ACSL3: variants seen among roughly 807,000 people sequenced by gnomAD.
ACSL3 encodes fatty acid CoA ligase Acsl3.
A neutral mutation model predicts 84.7 loss-of-function variants in ACSL3; 34 were observed. The ratio of observed to expected loss-of-function variants is 0.40; its 90% CI spans 0.31 to 0.53. The LOEUF is 0.53. Ranked by LOEUF, ACSL3 falls within the 20% of genes least tolerant of loss-of-function variation. The pLI, the probability that ACSL3 is intolerant of heterozygous loss-of-function variation, is 0.48. For synonymous variants in ACSL3, 315 were observed against 299.4 expected (o/e 1.05, Z -0.54); for missense variants, 680 against 873.1 (o/e 0.78, Z 2.79).
intron 3 of ACSL3, among the ~76,000 whole-genome samples, chr2:222,908,434 T>G (rs1696353417): frequency 6.6e-6 from 1 of 152,210 alleles, no homozygotes; most frequent in South Asian, 2.1e-4. Context: ...ATTTTTGGTC[T>G]TCCCCCAACC....
At chr2:222,928,990 A>G in intron 13 of ACSL3, 54 bp downstream of exon 13, 2 of 1,432,384 alleles carry the variant, frequency 1.4e-6, no homozygotes, top group Non-Finnish European at 2.0e-6. Context: ...TAAACTTGAA[A>G]ATTAGTGCTT....
chr2:222,930,828 T>C lies in ACSL3; in HGVS notation c.1732+16T>C, dbSNP rs1005290832. The C allele has an allele frequency of 9.5e-6, 15 of 1,572,630 alleles. No homozygotes were observed. Among genetic ancestry groups the C allele is most frequent in the Non-Finnish European group, 1.2e-5 (14 of 1,159,760 alleles). ...AAGATTATTGGTAAGTCATCTAATA[T>C]TTTTTTGAAAATGAATGTTTCTGAA... On this transcript the variant is annotated intron_variant, in intron 14 of 16. Transcript: ENST00000357430.
At chr2:222,916,186 TG>T in intron 4 of ACSL3, 132 bp from the exon 5 acceptor site, 1 of 545,698 alleles carries the variant, frequency 1.8e-6, no homozygotes, top group Non-Finnish European at 2.9e-6. Flanking sequence ...ACTCAGTTTC[TG>T]GCTTTTTATT....
chr2:222,933,301 C>T (rs1697079537), intron 15 of ACSL3, 21 bp downstream of exon 15: 2 of 1,515,662 alleles, frequency 1.3e-6, no homozygotes, highest in African/African-American at 1.4e-5. Flanking sequence ...GGAATTCATA[C>T]TACTTTTACT....
chr2:222,863,450 C>T (rs759131780), intron 1 of ACSL3, among the ~76,000 whole-genome samples: 2 of 152,108 alleles, frequency 1.3e-5, no homozygotes, highest in Non-Finnish European at 2.9e-5. Context: ...TTGCAAGATA[C>T]GAAAATGAGA....
chr2:222,888,529 A>C (rs1695773661), intron 2 of ACSL3, among the ~76,000 whole-genome samples: 1 of 152,238 alleles, frequency 6.6e-6, no homozygotes. Flanking sequence ...TTTATCCATT[A>C]GAATCATGAT....
intron 12 of ACSL3, among the ~76,000 whole-genome samples, chr2:222,927,599 TGTAA>T (rs925692433): frequency 6.6e-6 from 1 of 152,228 alleles, no homozygotes; most frequent in African/African-American, 2.4e-5. Context: ...TGAGGATTTC[TGTAA>T]GTGTTAGAGA....
At chr2:222,873,066 C>T (rs1387948884) in intron 1 of ACSL3, among the ~76,000 whole-genome samples, 1 of 152,168 alleles carries the variant, frequency 6.6e-6, no homozygotes, top group Non-Finnish European at 1.5e-5. Context: ...TTAGCAATAT[C>T]TGTATCAAGT....
At chr2:222,862,714 A>AG (rs5838965) in intron 1 of ACSL3, among the ~76,000 whole-genome samples, 88,058 of 151,926 alleles carry the variant, frequency 0.58, 26,086 homozygotes, top group Admixed American at 0.63. Context: ...TTGTATAAAA[A>AG]TATTGGTTTT....
At position 222,909,049 on chromosome 2, in the gene ACSL3, A is replaced by G; in HGVS notation, c.277A>G (p.Thr93Ala). 1 of 1,612,614 alleles carries G rather than the reference A, an allele frequency of 6.2e-7. No individual in the cohort carries two copies. Among genetic ancestry groups the G allele is most frequent in the African/African-American group, 1.3e-5 (1 of 74,956 alleles). ...PGCDTLDKVF[T>A]YAKNKFKNKR... ...ATGTGATACTTTAGATAAAGTTTTT[A>G]CATATGCAAAAAACAAATTTAAGAA... is the stretch of plus-strand genomic sequence containing the variant. Residue 93 changes from threonine to alanine, a missense_variant, in exon 4 of 17, where the codon ACA becomes GCA. Around this residue, in one of 2 missense-constraint regions of ACSL3, gnomAD observed 333 missense variants for 347.5 expected, o/e 0.96. Transcript: ENST00000357430.
At chr2:222,929,370 G>A (rs1286108917) in intron 13 of ACSL3, among the ~76,000 whole-genome samples, 1 of 152,066 alleles carries the variant, frequency 6.6e-6, no homozygotes, top group East Asian at 1.9e-4. Flanking sequence ...TTCCATAGAA[G>A]TCTGTTTATT....
intron 3 of ACSL3, among the ~76,000 whole-genome samples, chr2:222,901,491 A>C (rs1485609051): frequency 2.1e-5 from 1 of 48,328 alleles, no homozygotes; most frequent in Non-Finnish European, 3.6e-5. Flanking sequence ...CATATAAGTC[A>C]TCCAAGTTTG....
At chr2:222,863,282 GT>G (rs1181142445) in intron 1 of ACSL3, among the ~76,000 whole-genome samples, 2 of 152,186 alleles carry the variant, frequency 1.3e-5, no homozygotes, top group Non-Finnish European at 2.9e-5. Flanking sequence ...CTAGGGAGCT[GT>G]TTTTTGAATT....
chr2:222,865,142 G>A (rs1695104722), intron 1 of ACSL3, among the ~76,000 whole-genome samples: 1 of 152,036 alleles, frequency 6.6e-6, no homozygotes, highest in African/African-American at 2.4e-5. Flanking sequence ...GTTTATTTTT[G>A]GTTTCATTAG....
intron 13 of ACSL3, 112 bp downstream of exon 13, chr2:222,929,048 C>A: frequency 1.3e-6 from 1 of 771,650 alleles, no homozygotes. Context: ...TCATTTTTGT[C>A]CTTTGTGATA....
chr2:222,923,653 T>C (rs1422391864), intron 10 of ACSL3, among the ~76,000 whole-genome samples: 1 of 152,130 alleles, frequency 6.6e-6, no homozygotes, highest in African/African-American at 2.4e-5. Flanking sequence ...ACAAGGGAAA[T>C]GGGGCAGCAG....
chr2:222,865,400 T>C (rs1404796515), intron 1 of ACSL3, among the ~76,000 whole-genome samples: 1 of 152,202 alleles, frequency 6.6e-6, no homozygotes, highest in Non-Finnish European at 1.5e-5. Flanking sequence ...TTTCTGCTTG[T>C]TTGTGAAGGT....
At position 222,943,709 on chromosome 2, in the gene ACSL3, A is replaced by C. The variant is rs1574576592; in HGVS notation, c.*2055A>C. 6.6e-6 allele frequency: 1 copy of C among 152,166 alleles called. No homozygotes were observed. Among genetic ancestry groups the C allele is most frequent in the African/African-American group, 2.4e-5 (1 of 41,450 alleles). 9.4% of individuals were successfully genotyped at this position (152,166 alleles called of 1,614,324 possible). ...GTGAAATTAAGTAGAGTCCCCTTTT[A>C]AACAAATTTGTCTGTAAGCAAAACT... is the stretch of plus-strand genomic sequence containing the variant. On this transcript the variant is annotated 3_prime_UTR_variant, in exon 17 of 17. Coordinates refer to ENST00000357430, the MANE Select transcript of ACSL3 (RefSeq NM_004457.5).
intron 2 of ACSL3, among the ~76,000 whole-genome samples, chr2:222,894,999 T>C (rs1249250327): frequency 6.6e-6 from 1 of 152,112 alleles, no homozygotes; most frequent in Non-Finnish European, 1.5e-5. Flanking sequence ...TGCAGTTAAC[T>C]ACTCATCCCC....
Sources: gnomAD v4.1 joint callset for allele counts (sites outside exome capture counted in the v4.1 genomes callset) on GRCh38, gnomAD v4.1.1 for gene constraint, gnomAD v4.1.1 regional missense constraint, MANE v1.5 for transcripts, NCBI Gene and HGNC (gene_info 2026-07-23, HGNC 2026-07-21) for gene names.